IZUMO1R: variants seen among roughly 807,000 people sequenced by gnomAD.
IZUMO1R encodes IZUMO1 receptor, JUNO.
In IZUMO1R, 24 loss-of-function variants were observed where a neutral mutation model predicts 22.1. The ratio of observed to expected loss-of-function variants is 1.09; its 90% CI spans 0.79 to 1.53. The LOEUF (loss-of-function observed/expected upper bound fraction) is 1.53, where lower values mean the gene tolerates loss of function less well. Ranked by LOEUF, IZUMO1R falls within the 40% of genes most tolerant of loss-of-function variation. IZUMO1R has a pLI of 0.00. For missense variants in IZUMO1R, 308 were observed against 314.9 expected, an observed-to-expected ratio of 0.98 and a Z score of 0.17; for synonymous variants, 133 against 121.2, an observed-to-expected ratio of 1.10 and a Z score of -0.64.
At chr11:94,305,844 CG>C in intron 2 of IZUMO1R, 70 bp downstream of exon 2, 1 of 1,542,178 alleles carries the variant, frequency 6.5e-7, no homozygotes, top group Non-Finnish European at 8.8e-7. Context: ...AGATGGTCTC[CG>C]AACCTCATCA....
chr11:94,305,630 G>C lies in IZUMO1R; in HGVS notation c.-6-1G>C. The C allele has an allele frequency of 1.2e-6, 2 of 1,612,554 alleles. No individual in the cohort carries two copies. Among genetic ancestry groups the C allele is most frequent in the Non-Finnish European group, 1.7e-6 (2 of 1,179,738 alleles). ...AGTGTGCAGCATGGGTCTCTCTGTA[G>C]CAGGCCATGGCATGCTGGTGGCCGC... On this transcript the variant is annotated splice_acceptor_variant, in intron 1 of 4. Coordinates refer to ENST00000687084, the MANE Select transcript of IZUMO1R (RefSeq NM_001199206.4). LOFTEE classifies it low-confidence loss of function (5UTR_SPLICE).
Position 94,306,561 on chromosome 11 carries a change from G to C in IZUMO1R, c.187G>C (p.Glu63Gln). 6.2e-7 allele frequency: 1 copy of C among 1,613,932 alleles called. No individual in the cohort carries two copies. The highest frequency in any genetic ancestry group is 8.5e-7 in the Non-Finnish European group (1 of 1,179,862). ...CTGCTGCACCCTCACGACAAGCTGGGAAGCCCATCTGGATGTATCCCCACT... is the reference window on the plus strand; with the variant it reads ...CTGCTGCACCCTCACGACAAGCTGGCAAGCCCATCTGGATGTATCCCCACT... The part of the protein sequence containing the change: ...NACCTLTTSW[E>Q]AHLDVSPLYN... The change falls in exon 3 of 5, where the codon GAA becomes CAA. Residue 63 changes from glutamate to glutamine, a missense_variant. Physicochemically the swap from Glu to Gln is conservative, Grantham distance 29. Coordinates refer to ENST00000687084, the MANE Select transcript of IZUMO1R (RefSeq NM_001199206.4).
In IZUMO1R at chr11:94,306,632, T is replaced by A. The variant is rs763297342; in HGVS notation, c.258T>A (p.Cys86Ter). The A allele has an allele frequency of 6.2e-7, 1 of 1,613,980 alleles. No individual in the cohort carries two copies. Among genetic ancestry groups the A allele is most frequent in the Admixed American group, 1.7e-5 (1 of 60,032 alleles). ...LFHCGLLMPG[C>*]RKHFIQAICF... ...ACTGTGGACTGCTGATGCCTGGCTGTCGGAAGCACTTCATCCAGGCTATCT... is the reference window on the plus strand; with the variant it reads ...ACTGTGGACTGCTGATGCCTGGCTGACGGAAGCACTTCATCCAGGCTATCT... The change falls in exon 3 of 5, where the codon TGT becomes TGA. Residue 86 changes from cysteine to a stop codon, truncating the protein, a stop_gained. Transcript: ENST00000687084. LOFTEE classifies it high-confidence loss of function.
rs1260540144 is a variant in IZUMO1R at position 94,305,695 on chromosome 11, G to A, written c.59G>A (p.Gly20Glu). 6.2e-7 allele frequency: 1 copy of A among 1,613,424 alleles called. No individual in the cohort carries two copies. ...TGGACAGTCATGCCCACCTGGGCTG[G>A]GGACGAGCTGCTCAACATCTGCATG... ...ELWTVMPTWA[G>E]DELLNICMNA... The change falls in exon 2 of 5, where the codon GGG becomes GAG. Residue 20 changes from glycine to glutamate, a missense_variant. By Grantham distance (98) the Gly-to-Glu change is moderately conservative. Coordinates refer to ENST00000687084, the MANE Select transcript of IZUMO1R (RefSeq NM_001199206.4).
intron 2 of IZUMO1R, among the ~76,000 whole-genome samples, chr11:94,306,069 G>A (rs1944015801): frequency 6.6e-6 from 1 of 151,738 alleles, no homozygotes; most frequent in Non-Finnish European, 1.5e-5. Context: ...ACAGGTCCTG[G>A]GGCAACATAT....
At position 94,304,870 on chromosome 11, in the gene IZUMO1R, T is replaced by G. The variant is rs1943998532; in HGVS notation, c.-16T>G. Among the ~76,000 whole-genome samples the G allele has an allele frequency of 6.6e-6, 1 of 152,306 alleles. No homozygotes were observed. The highest frequency in any genetic ancestry group is 1.9e-4 in the East Asian group (1 of 5,186). On this transcript the variant is annotated 5_prime_UTR_variant, in exon 1 of 5. Coordinates refer to ENST00000687084, the MANE Select transcript of IZUMO1R (RefSeq NM_001199206.4). ...GGGAGCAGGAGCACCTGAAGGCTCC[T>G]GCCTTGAAAGTGAGTATGAAGAGAG... is the stretch of plus-strand genomic sequence containing the variant.
rs1367776255 is a variant in IZUMO1R at position 94,306,614 on chromosome 11, A to T, written c.240A>T (p.Gly80=). 6.2e-7 allele frequency: 1 copy of T among 1,613,784 alleles called. No individual in the cohort carries two copies. The highest frequency in any genetic ancestry group is 2.2e-5 in the East Asian group (1 of 44,892). Residue 80 remains glycine, a synonymous_variant, in exon 3 of 5, where the codon GGA becomes GGT. Coordinates refer to ENST00000687084, the MANE Select transcript of IZUMO1R (RefSeq NM_001199206.4). ...ACAACTTCAGCCTGTTTCACTGTGG[A>T]CTGCTGATGCCTGGCTGTCGGAAGC... ...PLYNFSLFHC[G]LLMPGCRKHF... is the part of the protein sequence containing the mutation.
Position 94,305,614 on chromosome 11 carries a change from C to G in IZUMO1R, c.-6-17C>G, listed in dbSNP as rs752164130. The G allele has an allele frequency of 6.2e-7, 1 of 1,611,476 alleles. No homozygotes were observed. Among genetic ancestry groups the G allele is most frequent in the African/African-American group, 1.3e-5 (1 of 74,774 alleles). ...GGTGTCATTTCCATCAAGTGTGCAGCATGGGTCTCTCTGTAGCAGGCCATG... is the reference window on the plus strand; with the variant it reads ...GGTGTCATTTCCATCAAGTGTGCAGGATGGGTCTCTCTGTAGCAGGCCATG... On this transcript the variant is annotated splice_polypyrimidine_tract_variant and intron_variant, in intron 1 of 4. Coordinates refer to ENST00000687084, the MANE Select transcript of IZUMO1R (RefSeq NM_001199206.4).
intron 2 of IZUMO1R, 123 bp from the exon 3 acceptor site, chr11:94,306,390 T>C (rs2134628799): frequency 1.1e-6 from 1 of 870,654 alleles, no homozygotes; most frequent in Non-Finnish European, 1.9e-6. Flanking sequence ...GCTTACTAGC[T>C]AAAGGCATCC....
Position 94,306,710 on chromosome 11 carries a change from C to A in IZUMO1R, c.336C>A (p.Ser112Arg). 1 of 1,613,898 alleles carries A rather than the reference C, an allele frequency of 6.2e-7. No individual in the cohort carries two copies. ...GGCCCTGGATCCAGCCAGTGGGAAG[C>A]CTGGGGTGGGAGGTAGGAAGCAGAT... Reference protein sequence around the residue: ...NLGPWIQPVGSLGWEVAPSGQ... With the variant: ...NLGPWIQPVGRLGWEVAPSGQ... Residue 112 changes from serine (S) to arginine (R), a missense_variant, in exon 3 of 5, where the codon AGC becomes AGA. Transcript: ENST00000687084.
rs774406340 is a variant in IZUMO1R at position 94,305,742 on chromosome 11, G to T, written c.106G>T (p.Val36Leu). The T allele has an allele frequency of 1.3e-5, 21 of 1,613,398 alleles. No homozygotes were observed. Among genetic ancestry groups the T allele is most frequent in the Non-Finnish European group, 1.8e-5 (21 of 1,179,752 alleles). ...CATGAATGCCAAACACCACAAGAGA[G>T]TGCCCAGCCCAGAAGACAAGCTCTA... ...ICMNAKHHKR[V>L]PSPEDKLYEE... The change falls in exon 2 of 5, where the codon GTG becomes TTG. Residue 36 changes from valine to leucine, a missense_variant. Coordinates refer to ENST00000687084, the MANE Select transcript of IZUMO1R (RefSeq NM_001199206.4).
In IZUMO1R at chr11:94,307,311, C is replaced by T; in HGVS notation, c.484+11C>T. The T allele has an allele frequency of 6.2e-7, 1 of 1,612,812 alleles. No homozygotes were observed. Among genetic ancestry groups the T allele is most frequent in the Non-Finnish European group, 8.5e-7 (1 of 1,179,392 alleles). On this transcript the variant is annotated intron_variant, in intron 4 of 4. Coordinates refer to ENST00000687084, the MANE Select transcript of IZUMO1R (RefSeq NM_001199206.4). ...GGGACTGGAGTCAGGGTGAGTGGTG[C>T]TGACAAGGCCTTGGTCGGGAAGAGG...
At position 94,307,582 on chromosome 11, in the gene IZUMO1R, C is replaced by A; in HGVS notation, c.643C>A (p.Gln215Lys). Residue 215 changes from glutamine (Q) to lysine (K), a missense_variant, in exon 5 of 5, where the codon CAG becomes AAG. By Grantham distance (53) the Gln-to-Lys change is moderately conservative (BLOSUM62 1). Coordinates refer to ENST00000687084, the MANE Select transcript of IZUMO1R (RefSeq NM_001199206.4). ...TCTCCAGAAGTGGTTTGAGCCTGCT[C>A]AGGGCAACCCCAATGTGGCCGTGGC... ...RCLQKWFEPA[Q>K]GNPNVAVARL... is the part of the protein sequence containing the mutation. The A allele has an allele frequency of 6.2e-7, 1 of 1,613,900 alleles. No homozygotes were observed.
intron 3 of IZUMO1R, 81 bp downstream of exon 3, chr11:94,306,803 G>T (rs1488193995): frequency 1.5e-6 from 2 of 1,372,474 alleles, no homozygotes; most frequent in East Asian, 4.8e-5. Flanking sequence ...ATGCCGCCAG[G>T]ATGCTAGTAG....
At position 94,307,247 on chromosome 11, in the gene IZUMO1R, G is replaced by T. The variant is rs759451248; in HGVS notation, c.431G>T (p.Arg144Leu). ...EDCEEWWEDC[R>L]MSYTCKSNWR... is the part of the protein sequence containing the mutation. ...TGTGAGGAGTGGTGGGAAGACTGTC[G>T]CATGTCTTACACATGCAAATCCAAC... The change falls in exon 4 of 5, where the codon CGC (arginine) becomes CTC (leucine). Residue 144 changes from arginine to leucine, a missense_variant. Arg to Leu is a moderately radical substitution (Grantham distance 102, BLOSUM62 -2). Transcript: ENST00000687084. The T allele has an allele frequency of 1.2e-6, 2 of 1,609,680 alleles. No individual in the cohort carries two copies. Among genetic ancestry groups the T allele is most frequent in the East Asian group, 2.2e-5 (1 of 44,720 alleles).
intron 3 of IZUMO1R, 71 bp downstream of exon 3, chr11:94,306,793 A>T (rs1185836435): frequency 6.9e-7 from 1 of 1,459,074 alleles, no homozygotes. Context: ...TCTTATGCTG[A>T]TGCCGCCAGG....
rs1565419649 is a variant in IZUMO1R, at chr11:94,305,682, CCCACCTG to C, written c.47_53del (p.Pro16ArgfsTer11). On this transcript the variant is annotated frameshift_variant, in exon 2 of 5. Coordinates refer to ENST00000687084, the MANE Select transcript of IZUMO1R (RefSeq NM_001199206.4). LOFTEE classifies it high-confidence loss of function. ...CCTGCTAGAGCTGTGGACAGTCATG[CCCACCTG>C]GGCTGGGGACGAGCTGCTCAACATC... 1 of 1,613,240 alleles carries C rather than the reference CCCACCTG, an allele frequency of 6.2e-7. No individual in the cohort carries two copies. The highest frequency in any genetic ancestry group is 2.2e-5 in the East Asian group (1 of 44,838).
At chr11:94,306,365 T>C in intron 2 of IZUMO1R, 148 bp from the exon 3 acceptor site, 1 of 711,604 alleles carries the variant, frequency 1.4e-6, no homozygotes, top group Non-Finnish European at 2.5e-6. Context: ...TTATCAGGGT[T>C]CCTCTTATGT....
chr11:94,307,764 C>T lies in IZUMO1R; in HGVS notation c.*72C>T, dbSNP rs1479652522. Reference sequence around the variant, plus strand: ...GGTCAGGCCAGGCCATGGCCTACCTCCTTCCTCAGGCCCTCCCCTAAAAGC... The same window carrying T: ...GGTCAGGCCAGGCCATGGCCTACCTTCTTCCTCAGGCCCTCCCCTAAAAGC... On this transcript the variant is annotated 3_prime_UTR_variant, in exon 5 of 5. Coordinates refer to ENST00000687084, the MANE Select transcript of IZUMO1R (RefSeq NM_001199206.4). 4 of 1,532,508 alleles carry T rather than the reference C, an allele frequency of 2.6e-6. No homozygotes were observed. The highest frequency in any genetic ancestry group is 3.6e-6 in the Non-Finnish European group (4 of 1,122,060). The allele number at this position is 1,532,508 out of a possible 1,614,324, so 94.9% of individuals were successfully genotyped here. A position where few individuals can be genotyped will look rare whatever the true frequency, so the allele number is the denominator to read the frequency against.
Sources: allele counts gnomAD v4.1 joint callset (sites outside exome capture counted in the v4.1 genomes callset), GRCh38; gene constraint gnomAD v4.1.1; transcripts MANE v1.5; gene names NCBI Gene and HGNC (gene_info 2026-07-23, HGNC 2026-07-21).